The following ZNF362 variants were observed in gnomAD, a reference collection of about 807,000 sequenced individuals.
The protein encoded by ZNF362 is zinc finger protein 362, also known as rotund homolog.
ZNF362 carries 11 observed loss-of-function variants against 42.9 expected under a neutral mutation model. The observed-to-expected ratio is 0.26, with a 90% CI of 0.16 to 0.42. The LOEUF is 0.42. Among genes scored for constraint, ZNF362 ranks in the 20% least tolerant of loss-of-function variants. The pLI, the probability that ZNF362 is intolerant of heterozygous loss-of-function variation, is 1.00. For synonymous variants in ZNF362, 255 were observed against 257.3 expected (o/e 0.99, Z 0.09); for missense variants, 362 against 576.2 (o/e 0.63, Z 3.81).
At chr1:33,158,080 A>T in the ZNF362 span, among the ~76,000 whole-genome samples, 1 of 152,214 alleles carries the variant, frequency 6.6e-6, no homozygotes, top group African/African-American at 2.4e-5. Flanking sequence ...ATGAAGGTCC[A>T]CTGAGCTGAG....
intron 8 of ZNF362, among the ~76,000 whole-genome samples, chr1:33,297,478 C>T (rs142977808): frequency 1.3e-5 from 2 of 150,794 alleles, no homozygotes; most frequent in East Asian, 2.0e-4. Flanking sequence ...ATTTGTGTCA[C>T]GAATGCCATG....
At chr1:33,141,601 C>A in the ZNF362 span, among the ~76,000 whole-genome samples, 3 of 152,322 alleles carry the variant, frequency 2.0e-5, no homozygotes, top group Middle Eastern at 3.4e-3. Flanking sequence ...CAGCCCTTAT[C>A]ATGACATCAG....
chr1:33,169,269 C>T, the ZNF362 span, among the ~76,000 whole-genome samples: 1 of 152,176 alleles, frequency 6.6e-6, no homozygotes, highest in South Asian at 2.1e-4. Context: ...GTGCACCCCT[C>T]CCCTAACTCC....
the ZNF362 span, among the ~76,000 whole-genome samples, chr1:33,193,004 C>CATAT: frequency 1.2e-3 from 160 of 137,286 alleles, no homozygotes; most frequent in African/African-American, 3.9e-3. Context: ...CACACACACA[C>CATAT]ATATATATAT....
Position 33,280,534 on chromosome 1 carries a change from AGC to A in ZNF362, c.683+79_683+80del. 1 of 1,470,938 alleles carries A rather than the reference AGC, an allele frequency of 6.8e-7. No homozygotes were observed. The highest frequency in any genetic ancestry group is 9.0e-7 in the Non-Finnish European group (1 of 1,105,628). 91.1% of individuals were successfully genotyped at this position (1,470,938 alleles called of 1,614,324 possible). ...GCCAGGGCTGCTCCAGGAGCCCAGC[AGC>A]GGGGCTGAAACAGGACCCTTAGGGC... is the stretch of plus-strand genomic sequence containing the variant. On this transcript the variant is annotated intron_variant, in intron 5 of 8. Transcript: ENST00000539719. The surrounding 1 kb of genome is among the most constrained non-coding windows in gnomAD (Gnocchi z 5.6).
chr1:33,263,928 G>A (rs532642245), intron 1 of ZNF362, among the ~76,000 whole-genome samples: 3 of 152,282 alleles, frequency 2.0e-5, no homozygotes, highest in South Asian at 2.1e-4. Context: ...TTCCCCGCGA[G>A]CCATTTGTCC....
At chr1:33,158,612 A>G in the ZNF362 span, among the ~76,000 whole-genome samples, 1 of 152,360 alleles carries the variant, frequency 6.6e-6, no homozygotes, top group East Asian at 1.9e-4. Context: ...TGAGAATTAC[A>G]TGGCATAACA....
the ZNF362 span, chr1:33,181,935 GCCGGCCCGCTCAGCTGCCGGATC>G: frequency 6.3e-6 from 1 of 157,576 alleles, no homozygotes; most frequent in Admixed American, 6.3e-5. The surrounding 1 kb of genome is among the most constrained non-coding windows in gnomAD (Gnocchi z 6.5). Flanking sequence ...GAGGAGGGGT[GCCGGCCCGCTCAGCTGCCGGATC>G]CCGGCCCCAA....
At chr1:33,234,309 A>G in the ZNF362 span, among the ~76,000 whole-genome samples, 3 of 152,164 alleles carry the variant, frequency 2.0e-5, no homozygotes, top group East Asian at 1.9e-4. Flanking sequence ...AGATTGTTAT[A>G]TTCGCATGGC....
At chr1:33,219,161 A>T in the ZNF362 span, among the ~76,000 whole-genome samples, 1 of 152,190 alleles carries the variant, frequency 6.6e-6, no homozygotes, top group Non-Finnish European at 1.5e-5. Flanking sequence ...CAACTCTGTC[A>T]TCTCCTGGCT....
chr1:33,269,834 T>C (rs1645889228), intron 1 of ZNF362, among the ~76,000 whole-genome samples: 1 of 152,060 alleles, frequency 6.6e-6, no homozygotes, highest in Admixed American at 6.6e-5. Context: ...CTGCCTGTCC[T>C]CTTTCTGTCC....
chr1:33,173,201 G>A, the ZNF362 span, among the ~76,000 whole-genome samples: 2 of 152,248 alleles, frequency 1.3e-5, no homozygotes, highest in Non-Finnish European at 2.9e-5. Flanking sequence ...CCCTCCCTGT[G>A]CACTTCTGAG....
At chr1:33,165,430 C>T in the ZNF362 span, 3 of 1,527,352 alleles carry the variant, frequency 2.0e-6, no homozygotes, top group Non-Finnish European at 1.8e-6. This position sits in a 1 kb window ranked among gnomAD's most constrained non-coding sequence, Gnocchi z 4.0. Context: ...GCCCTGCCCT[C>T]ATCTCTGCCG....
the ZNF362 span, among the ~76,000 whole-genome samples, chr1:33,218,904 A>C: frequency 1.4e-5 from 2 of 146,526 alleles, no homozygotes; most frequent in Admixed American, 1.4e-4. Flanking sequence ...TTCAGGCTGG[A>C]CGCACAGGTC....
At chr1:33,227,547 G>A in the ZNF362 span, among the ~76,000 whole-genome samples, 1 of 152,184 alleles carries the variant, frequency 6.6e-6, no homozygotes, top group African/African-American at 2.4e-5. Flanking sequence ...ACCCCCAGAT[G>A]ACTCCAGTCC....
the ZNF362 span, among the ~76,000 whole-genome samples, chr1:33,140,738 G>C: frequency 6.6e-6 from 1 of 152,186 alleles, no homozygotes; most frequent in Non-Finnish European, 1.5e-5. The surrounding 1 kb of genome is among the most constrained non-coding windows in gnomAD (Gnocchi z 4.0). Flanking sequence ...TGCCAGCAAA[G>C]GAGGACCAGG....
At chr1:33,193,797 T>C in the ZNF362 span, among the ~76,000 whole-genome samples, 2 of 152,178 alleles carry the variant, frequency 1.3e-5, no homozygotes, top group Non-Finnish European at 1.5e-5. Context: ...TTCATAAAGT[T>C]ATTGCTTAGG....
chr1:33,277,805 T>C (rs1645962634), intron 4 of ZNF362, among the ~76,000 whole-genome samples: 1 of 152,142 alleles, frequency 6.6e-6, no homozygotes, highest in Non-Finnish European at 1.5e-5. Context: ...CTTGGATAGG[T>C]TGAGGCTGGG....
the ZNF362 span, among the ~76,000 whole-genome samples, chr1:33,170,967 C>T: frequency 3.9e-5 from 6 of 152,330 alleles, no homozygotes; most frequent in African/African-American, 1.2e-4. Flanking sequence ...GTCCCGTATG[C>T]GGCTCCCTAG....
Sources: allele counts gnomAD v4.1 joint callset (sites outside exome capture counted in the v4.1 genomes callset), GRCh38; gene constraint gnomAD v4.1.1; non-coding constraint Gnocchi (gnomAD v3.1); transcripts MANE v1.5; gene names NCBI Gene and HGNC (gene_info 2026-07-23, HGNC 2026-07-21).